Variants in ZNF274 observed in about 807,000 individuals in gnomAD.
ZNF274 encodes the protein zinc finger protein 274.
A neutral mutation model predicts 42.5 loss-of-function variants in ZNF274; 23 were observed. The observed-to-expected ratio is 0.54, with a 90% confidence interval of 0.39 to 0.77. ZNF274 has a LOEUF of 0.77. ZNF274 is among the 30% of genes least tolerant of loss of function. The pLI, the probability that ZNF274 is intolerant of heterozygous loss-of-function variation, is 0.00. For synonymous variants in ZNF274, 292 were observed against 305.4 expected (o/e 0.96, Z 0.46); for missense variants, 679 against 806.5 (o/e 0.84, Z 1.91).
chr19:58,183,681 C>G (rs2075658813), intron 1 of ZNF274: 3 of 384,864 alleles, frequency 7.8e-6, no homozygotes, highest in Admixed American at 4.2e-5. Context: ...AGCGTGGGGT[C>G]TGGGCCAGGG....
chr19:58,201,171 ATTT>A (rs35433225), intron 4 of ZNF274, among the ~76,000 whole-genome samples: 5 of 112,700 alleles, frequency 4.4e-5, no homozygotes, highest in Non-Finnish European at 3.7e-5. Flanking sequence ...CGCCTGGCTA[ATTT>A]TTTTTTTTTT....
At chr19:58,198,011 G>A (rs1402720191) in intron 4 of ZNF274, among the ~76,000 whole-genome samples, 1 of 152,114 alleles carries the variant, frequency 6.6e-6, no homozygotes, top group Non-Finnish European at 1.5e-5. Flanking sequence ...GTCTTAAGTA[G>A]TAATTAAGAA....
At chr19:58,188,698 A>ATGTG (rs199545253) in intron 4 of ZNF274, among the ~76,000 whole-genome samples, 1 of 88,416 alleles carries the variant, frequency 1.1e-5, no homozygotes, top group African/African-American at 4.4e-5. Context: ...GTATATGTAT[A>ATGTG]TATATATATA....
chr19:58,198,723 GAACA>G (rs1480112522), intron 4 of ZNF274, among the ~76,000 whole-genome samples: 1 of 151,200 alleles, frequency 6.6e-6, no homozygotes, highest in East Asian at 1.9e-4. Context: ...GTGTAGGAAT[GAACA>G]AACAAAACAT....
chr19:58,186,553 G>C (rs1036123233), intron 3 of ZNF274, among the ~76,000 whole-genome samples: 10 of 76,524 alleles, frequency 1.3e-4, no homozygotes, highest in African/African-American at 1.7e-4. Flanking sequence ...AAAAAAAAAA[G>C]CCTGTCCCTT....
chr19:58,183,724 G>A lies in ZNF274; in HGVS notation c.-45-197G>A, dbSNP rs1443702653. 11 of 505,262 alleles carry A rather than the reference G, an allele frequency of 2.2e-5. No individual in the cohort carries two copies. The South Asian group carries it at 2.4e-4, about 11-fold the overall frequency. The allele number at this position is 505,262 out of a possible 1,614,324, so 31.3% of individuals were successfully genotyped here. ...CCCCTCCGATGCGCGGGACAGAGGA[G>A]GCTCGGTGTCCTCTCGGGGAGGGGA... On this transcript the variant is annotated intron_variant, in intron 1 of 7. Coordinates refer to ENST00000617501, the MANE Select transcript of ZNF274 (RefSeq NM_133502.3).
At chr19:58,203,837 AG>A (rs2075947190) in intron 4 of ZNF274, among the ~76,000 whole-genome samples, 2 of 152,216 alleles carry the variant, frequency 1.3e-5, no homozygotes, top group Non-Finnish European at 1.5e-5. Flanking sequence ...CTTATCAAGA[AG>A]AAAAATCACT....
chr19:58,209,057 G>A, intron 5 of ZNF274: 1 of 152,394 alleles, frequency 6.6e-6, no homozygotes. Context: ...TATTGGAAAA[G>A]TTCCAGGGTG....
chr19:58,187,176 C>T (rs1390414736), intron 4 of ZNF274, 134 bp downstream of exon 4: 2 of 711,942 alleles, frequency 2.8e-6, no homozygotes, highest in Non-Finnish European at 4.7e-6. Flanking sequence ...GAACCAAACT[C>T]GAAGTTTTTC....
At chr19:58,192,303 T>G (rs1425916200) in intron 4 of ZNF274, among the ~76,000 whole-genome samples, 1 of 152,180 alleles carries the variant, frequency 6.6e-6, no homozygotes, top group East Asian at 1.9e-4. Flanking sequence ...TGTCACAGAT[T>G]GGAGGCAGGC....
intron 2 of ZNF274, 91 bp from the exon 3 acceptor site, chr19:58,185,621 C>T: frequency 7.5e-7 from 1 of 1,334,822 alleles, no homozygotes; most frequent in Non-Finnish European, 9.8e-7. Context: ...GTAGACCATT[C>T]TGTGCTTTCA....
chr19:58,194,371 C>CTTTTTTTTTTTTTT (rs766266627), intron 4 of ZNF274, among the ~76,000 whole-genome samples: 1 of 64,176 alleles, frequency 1.6e-5, no homozygotes. Context: ...TGTTTTTTAC[C>CTTTTTTTTTTTTTT]TTTTTTTTTT....
intron 4 of ZNF274, among the ~76,000 whole-genome samples, chr19:58,190,363 T>G (rs1347695736): frequency 6.6e-6 from 1 of 152,092 alleles, no homozygotes; most frequent in Non-Finnish European, 1.5e-5. Context: ...GTTGTATTCA[T>G]CATGGATAGT....
At chr19:58,186,369 T>C (rs1179017918) in intron 3 of ZNF274, among the ~76,000 whole-genome samples, 1 of 151,436 alleles carries the variant, frequency 6.6e-6, no homozygotes, top group African/African-American at 2.4e-5. Flanking sequence ...CTGACCAACA[T>C]GATGAAACCC....
At chr19:58,187,972 A>G (rs2075719949) in intron 4 of ZNF274, among the ~76,000 whole-genome samples, 1 of 151,898 alleles carries the variant, frequency 6.6e-6, no homozygotes, top group South Asian at 2.1e-4. Flanking sequence ...TGATTCACCC[A>G]CCTTGGCCTC....
At chr19:58,197,957 G>A (rs939044469) in intron 4 of ZNF274, among the ~76,000 whole-genome samples, 5 of 152,172 alleles carry the variant, frequency 3.3e-5, no homozygotes, top group South Asian at 2.1e-4. Context: ...CACTCTCCCT[G>A]TGTTCTAGGG....
intron 2 of ZNF274, 154 bp from the exon 3 acceptor site, chr19:58,185,558 A>G: frequency 1.4e-6 from 1 of 713,764 alleles, no homozygotes; most frequent in Non-Finnish European, 2.1e-6. Flanking sequence ...TTGGGGTTTC[A>G]GACAAAGACA....
intron 2 of ZNF274, among the ~76,000 whole-genome samples, chr19:58,185,173 C>T (rs551083222): frequency 6.6e-6 from 1 of 150,830 alleles, no homozygotes; most frequent in Non-Finnish European, 1.5e-5. Context: ...CATGTGTAAT[C>T]CCAGCACTTT....
intron 2 of ZNF274, among the ~76,000 whole-genome samples, chr19:58,185,030 G>A (rs182839341): frequency 0.024 from 3,622 of 151,726 alleles, 122 homozygotes; most frequent in African/African-American, 0.081. Flanking sequence ...TGAGGCAGGA[G>A]AATGGCGTGA....
Sources: allele counts gnomAD v4.1 joint callset (sites outside exome capture counted in the v4.1 genomes callset), GRCh38; gene constraint gnomAD v4.1.1; transcripts MANE v1.5; gene names NCBI Gene and HGNC (gene_info 2026-07-23, HGNC 2026-07-21).